The following PCDHA12 variants were observed in gnomAD, a reference collection of about 807,000 sequenced individuals.
PCDHA12 encodes protocadherin alpha-12.
In PCDHA12, 44 loss-of-function variants were observed where a neutral mutation model predicts 60.0. That is an observed-to-expected ratio of 0.73 (90% CI 0.58 to 0.94). The LOEUF (loss-of-function observed/expected upper bound fraction) is 0.94. Ranked by LOEUF, PCDHA12 falls within the 40% of genes least tolerant of loss-of-function variation. The probability of loss-of-function intolerance (pLI) is 0.00; values close to 1 mark genes in which losing one functional copy is unlikely to be tolerated. For missense variants in PCDHA12, 1,276 were observed against 1,239.7 expected, an observed-to-expected ratio of 1.03 and a Z score of -0.44; for synonymous variants, 569 against 553.0, an observed-to-expected ratio of 1.03 and a Z score of -0.40.
chr5:140,960,665 G>A (rs1180311598), intron 1 of PCDHA12, among the ~76,000 whole-genome samples: 2 of 152,066 alleles, frequency 1.3e-5, no homozygotes, highest in Non-Finnish European at 2.9e-5. Context: ...TGAATGCTTT[G>A]GCTAAAACCT....
At position 140,928,565 on chromosome 5, in the gene PCDHA12, C is replaced by T. The variant is rs1227327620; in HGVS notation, c.2368-50384C>T. 2.5e-6 allele frequency: 4 copies of T among 1,614,038 alleles called. No individual in the cohort carries two copies. The highest frequency in any genetic ancestry group is 3.4e-6 in the Non-Finnish European group (4 of 1,180,038). On this transcript the variant is annotated intron_variant, in intron 1 of 3. Transcript: ENST00000398631. Reference sequence around the variant, plus strand: ...GACAATTATCCGGTTATCTTGTTTCCCTTGCCCAGAAATGGTTCTGTCCCA... The same window carrying T: ...GACAATTATCCGGTTATCTTGTTTCTCTTGCCCAGAAATGGTTCTGTCCCA...
intron 3 of PCDHA12, among the ~76,000 whole-genome samples, chr5:141,002,446 G>T (rs1456078562): frequency 1.3e-5 from 2 of 152,156 alleles, no homozygotes; most frequent in Admixed American, 6.5e-5. Context: ...ATAATAATTG[G>T]CACATTTGTA....
chr5:140,962,796 A>T (rs1248367259), intron 1 of PCDHA12, among the ~76,000 whole-genome samples: 1 of 152,222 alleles, frequency 6.6e-6, no homozygotes, highest in Non-Finnish European at 1.5e-5. Flanking sequence ...ACTACTTTGG[A>T]CAACTCTAAA....
In PCDHA12 at chr5:140,875,509, C is replaced by A. The variant is rs1554167713; in HGVS notation, c.37C>A (p.Arg13Ser). The change falls in exon 1 of 4, where the codon CGT becomes AGT. Residue 13 changes from arginine (R) to serine (S), a missense_variant. Physicochemically the swap from Arg to Ser is moderately radical, Grantham distance 110. Coordinates refer to ENST00000398631, the MANE Select transcript of PCDHA12 (RefSeq NM_018903.4). The stretch of plus-strand genomic sequence containing the variant: ...CGGACCAAGAGGCCCGGGATCCCAG[C>A]GTCTGCTGCTCTCGCTTCTGCTCCT... ...IIGPRGPGSQ[R>S]LLLSLLLLAA... 3.7e-6 allele frequency: 6 copies of A among 1,613,576 alleles called. No individual in the cohort carries two copies. The Admixed American group carries it at 6.7e-5, about 18-fold the overall frequency.
At chr5:140,962,546 G>A (rs2095690873) in intron 1 of PCDHA12, among the ~76,000 whole-genome samples, 7 of 152,094 alleles carry the variant, frequency 4.6e-5, no homozygotes, top group Admixed American at 4.6e-4. Flanking sequence ...TAAAAATGTA[G>A]AGGATCTCCC....
At chr5:140,922,865 G>A (rs1554201014) in intron 1 of PCDHA12, among the ~76,000 whole-genome samples, 1 of 152,062 alleles carries the variant, frequency 6.6e-6, no homozygotes, top group Non-Finnish European at 1.5e-5. Flanking sequence ...ATAGACAAGG[G>A]GAAAAAATCC....
intron 1 of PCDHA12, among the ~76,000 whole-genome samples, chr5:140,946,098 A>G (rs1249581075): frequency 6.6e-6 from 1 of 152,114 alleles, no homozygotes; most frequent in Non-Finnish European, 1.5e-5. Flanking sequence ...AGGAGTTAAC[A>G]TACCAAATAT....
At chr5:140,966,489 C>A in intron 1 of PCDHA12, 2 of 440,146 alleles carry the variant, frequency 4.5e-6, no homozygotes, top group Non-Finnish European at 7.9e-6. Flanking sequence ...TTCCCTCCCC[C>A]TGGAGCTGTA....
chr5:140,906,963 G>A (rs150934602), intron 1 of PCDHA12, among the ~76,000 whole-genome samples: 2 of 152,098 alleles, frequency 1.3e-5, no homozygotes, highest in South Asian at 2.1e-4. Flanking sequence ...TAATGGAATC[G>A]TGGTTGTGTC....
chr5:140,927,363 GAT>G (rs1188531316), intron 1 of PCDHA12: 33 of 1,613,946 alleles, frequency 2.0e-5, no homozygotes, highest in Non-Finnish European at 2.7e-5. Context: ...GAAGCAATGG[GAT>G]ACTAAGCTAC....
In PCDHA12 at chr5:140,967,246, G is replaced by T. The variant is rs569213693; in HGVS notation, c.2368-11703G>T. On this transcript the variant is annotated intron_variant, in intron 1 of 3. Coordinates refer to ENST00000398631, the MANE Select transcript of PCDHA12 (RefSeq NM_018903.4). ...ACTACCAGCTTCAGGTAAGCGAATCGGTGGCGCCTGGAGCGCGCTTTCACA... is the reference window on the plus strand; with the variant it reads ...ACTACCAGCTTCAGGTAAGCGAATCTGTGGCGCCTGGAGCGCGCTTTCACA... The T allele has an allele frequency of 9.6e-5, 155 of 1,613,594 alleles. 2 individuals carry two copies. In the South Asian group the frequency reaches 1.4e-3, roughly 15 times the overall value.
intron 1 of PCDHA12, chr5:140,966,877 T>A (rs782616985): frequency 6.3e-7 from 1 of 1,586,572 alleles, no homozygotes; most frequent in Admixed American, 1.8e-5. Context: ...TGCTGCTACC[T>A]GGCCCTGCGG....
intron 3 of PCDHA12, among the ~76,000 whole-genome samples, chr5:141,008,308 TA>T (rs1554261716): frequency 6.6e-6 from 1 of 152,214 alleles, no homozygotes; most frequent in East Asian, 1.9e-4. Flanking sequence ...CCCTAAACTG[TA>T]ATTGAACATA....
intron 1 of PCDHA12, among the ~76,000 whole-genome samples, chr5:140,937,911 CAAAA>C (rs200797202): frequency 8.5e-6 from 1 of 117,894 alleles, no homozygotes; most frequent in Non-Finnish European, 1.9e-5. Context: ...GACTCCGTCT[CAAAA>C]AAAAAAAAAA....
At chr5:140,967,298 G>A in intron 1 of PCDHA12, 1 of 1,612,692 alleles carries the variant, frequency 6.2e-7, no homozygotes, top group Non-Finnish European at 8.5e-7. Flanking sequence ...CCCCGACGTG[G>A]GCGCCAACTC....
At chr5:140,883,825 G>T in intron 1 of PCDHA12, 1 of 1,612,576 alleles carries the variant, frequency 6.2e-7, no homozygotes, top group South Asian at 1.1e-5. Context: ...AGGTGTACGC[G>T]CTGCAGCCGT....
In PCDHA12 at chr5:140,877,184, G is replaced by C. The variant is rs1554169429; in HGVS notation, c.1712G>C (p.Gly571Ala). The C allele has an allele frequency of 6.2e-7, 1 of 1,613,842 alleles. No homozygotes were observed. Residue 571 changes from glycine to alanine, a missense_variant, in exon 1 of 4, where the codon GGC (glycine) becomes GCC (alanine). Transcript: ENST00000398631. ...CCGGCACTGCTGGCGACTCCGGCTG[G>C]CAGCGCAGGAGGCGCAGTTAGCGAG... The part of the protein sequence containing the change: ...NAPALLATPA[G>A]SAGGAVSELV...
chr5:140,996,111 G>C (rs981356405), intron 3 of PCDHA12, among the ~76,000 whole-genome samples: 1 of 152,220 alleles, frequency 6.6e-6, no homozygotes, highest in East Asian at 1.9e-4. Context: ...GTATGGAAGT[G>C]TGCAGGGTGG....
chr5:140,927,192 G>T, intron 1 of PCDHA12: 4 of 1,614,154 alleles, frequency 2.5e-6, no homozygotes, highest in Non-Finnish European at 3.4e-6. Flanking sequence ...ACGACCTGGT[G>T]CTCGAGGACC....
Sources: gnomAD v4.1 joint callset for allele counts (sites outside exome capture counted in the v4.1 genomes callset) on GRCh38, gnomAD v4.1.1 for gene constraint, MANE v1.5 for transcripts, NCBI Gene and HGNC (gene_info 2026-07-23, HGNC 2026-07-21) for gene names.